The following PIK3C2G variants were observed in gnomAD, a reference collection of about 807,000 sequenced individuals.
PIK3C2G encodes the protein phosphatidylinositol-4-phosphate 3-kinase catalytic subunit type 2 gamma, also known as phosphatidylinositol 3-kinase C2 domain-containing subunit gamma.
In PIK3C2G, 168 loss-of-function variants were observed where a neutral mutation model predicts 181.1. The ratio of observed to expected loss-of-function variants is 0.93; its 90% confidence interval spans 0.82 to 1.05. PIK3C2G has a LOEUF of 1.05. Ranked by LOEUF, PIK3C2G falls within the 50% of genes least tolerant of loss-of-function variation. The probability of loss-of-function intolerance (pLI) is 0.00; values close to 1 mark genes in which losing one functional copy is unlikely to be tolerated. For missense variants in PIK3C2G, 1,869 were observed against 1,732.8 expected (o/e 1.08, Z -1.40); for synonymous variants, 573 against 592.2 (o/e 0.97, Z 0.47).
chr12:18,359,127 C>G (rs1941009579), intron 11 of PIK3C2G, among the ~76,000 whole-genome samples: 1 of 152,332 alleles, frequency 6.6e-6, no homozygotes, highest in African/African-American at 2.4e-5. Flanking sequence ...ATGCTCTCCT[C>G]AAGCTGTAAG....
chr12:18,594,297 C>T (rs1222024544), intron 29 of PIK3C2G, among the ~76,000 whole-genome samples, 197 bp from the exon 30 acceptor site: 2 of 152,136 alleles, frequency 1.3e-5, no homozygotes, highest in Non-Finnish European at 2.9e-5. Flanking sequence ...CCTTCAGTCA[C>T]ACAAAAGTTT....
At chr12:18,599,151 T>C (rs1416355859) in intron 30 of PIK3C2G, among the ~76,000 whole-genome samples, 1 of 152,190 alleles carries the variant, frequency 6.6e-6, no homozygotes, top group Non-Finnish European at 1.5e-5. Context: ...TTACTGGGTA[T>C]ATACCCAAAG....
chr12:18,631,076 T>G (rs1357698837), intron 31 of PIK3C2G, among the ~76,000 whole-genome samples: 1 of 152,172 alleles, frequency 6.6e-6, no homozygotes, highest in East Asian at 1.9e-4. Flanking sequence ...AATTAAATCA[T>G]AAGGGCAAAG....
intron 13 of PIK3C2G, among the ~76,000 whole-genome samples, chr12:18,379,536 A>C (rs1370835275): frequency 6.6e-6 from 1 of 152,212 alleles, no homozygotes; most frequent in East Asian, 1.9e-4. Context: ...TGGGTCACTC[A>C]GATAAATTTC....
chr12:18,716,496 G>A, the PIK3C2G span, among the ~76,000 whole-genome samples: 240 of 152,210 alleles, frequency 1.6e-3, 2 homozygotes, highest in African/African-American at 5.6e-3. Context: ...GTGATGTTGA[G>A]GACACTCCAC....
chr12:18,362,553 C>G (rs1941329930), intron 11 of PIK3C2G, among the ~76,000 whole-genome samples: 2 of 152,174 alleles, frequency 1.3e-5, no homozygotes, highest in Admixed American at 6.5e-5. Context: ...ATATTTTTCT[C>G]TCCATGAATA....
intron 18 of PIK3C2G, among the ~76,000 whole-genome samples, chr12:18,445,301 A>G (rs1490535021): frequency 2.0e-5 from 3 of 152,140 alleles, no homozygotes; most frequent in African/African-American, 7.2e-5. Flanking sequence ...TTAAGAATAT[A>G]AGCAAGTAAT....
chr12:18,374,159 T>C (rs1592096752), intron 13 of PIK3C2G, among the ~76,000 whole-genome samples: 1 of 152,296 alleles, frequency 6.6e-6, no homozygotes, highest in African/African-American at 2.4e-5. Flanking sequence ...AGCCCAAGCA[T>C]GCCCAAAGAT....
At chr12:18,417,979 C>T (rs1195478899) in intron 16 of PIK3C2G, among the ~76,000 whole-genome samples, 1 of 152,056 alleles carries the variant, frequency 6.6e-6, no homozygotes, top group East Asian at 1.9e-4. Context: ...GAAACTATCT[C>T]AAAACACAGA....
intron 26 of PIK3C2G, among the ~76,000 whole-genome samples, chr12:18,552,713 T>A (rs1463481727): frequency 1.3e-5 from 2 of 152,154 alleles, no homozygotes; most frequent in Non-Finnish European, 2.9e-5. Context: ...ACTGCAGATA[T>A]AACCACTTAT....
intron 24 of PIK3C2G, among the ~76,000 whole-genome samples, chr12:18,531,307 T>C (rs1210025090): frequency 6.6e-6 from 1 of 152,158 alleles, no homozygotes; most frequent in African/African-American, 2.4e-5. Flanking sequence ...TTTTAAATAA[T>C]ACTTTTTATT....
the PIK3C2G span, among the ~76,000 whole-genome samples, chr12:18,665,426 C>A: frequency 1.3e-5 from 2 of 152,156 alleles, no homozygotes; most frequent in Middle Eastern, 3.4e-3. Context: ...AATTGAGAAA[C>A]AGTCATTGGT....
At chr12:18,403,653 G>T (rs1453683806) in intron 16 of PIK3C2G, among the ~76,000 whole-genome samples, 18 of 151,986 alleles carry the variant, frequency 1.2e-4, no homozygotes, top group Admixed American at 1.2e-3. Context: ...CTGTCCAAAG[G>T]TTCACCATCT....
chr12:18,656,543 C>A, the PIK3C2G span, among the ~76,000 whole-genome samples: 1 of 151,674 alleles, frequency 6.6e-6, no homozygotes, highest in South Asian at 2.1e-4. Flanking sequence ...CCAGCCTGGG[C>A]GACAGAGCGA....
At position 18,393,620 on chromosome 12, in the gene PIK3C2G, A is replaced by T. The variant is rs186518406; in HGVS notation, c.2126+2368A>T. Among the ~76,000 whole-genome samples the T allele has an allele frequency of 5.5e-3, 842 of 152,268 alleles. 5 individuals are homozygous for T. The highest frequency in any genetic ancestry group is 0.031 in the Middle Eastern group (9 of 294). On this transcript the variant is annotated intron_variant, in intron 15 of 32. Transcript: ENST00000538779. The stretch of plus-strand genomic sequence containing the variant: ...TATATAACAATATATGTTCTAAAAT[A>T]GATTAGTACTTCTACTTCTACCATG...
chr12:18,579,992 G>T (rs1946413820), intron 29 of PIK3C2G, among the ~76,000 whole-genome samples: 1 of 152,046 alleles, frequency 6.6e-6, no homozygotes, highest in African/African-American at 2.4e-5. Flanking sequence ...AATTAGCCAG[G>T]CGTGGTGGCG....
chr12:18,281,877 G>C, intron 1 of PIK3C2G, 127 bp from the exon 2 acceptor site: 1 of 535,824 alleles, frequency 1.9e-6, no homozygotes, highest in Non-Finnish European at 3.3e-6. Flanking sequence ...TAGTACTTAA[G>C]GAATTATTTC....
At chr12:18,298,879 GT>G (rs373694347) in intron 5 of PIK3C2G, among the ~76,000 whole-genome samples, 11 of 151,434 alleles carry the variant, frequency 7.3e-5, no homozygotes, top group Middle Eastern at 3.4e-3. Flanking sequence ...TTATTTTAGG[GT>G]TTTTTTTATT....
At chr12:18,482,845 C>T (rs925384908) in intron 18 of PIK3C2G, among the ~76,000 whole-genome samples, 1 of 152,156 alleles carries the variant, frequency 6.6e-6, no homozygotes, top group Non-Finnish European at 1.5e-5. Context: ...GCTAATGACT[C>T]ATGACTCTCA....
Sources: allele counts gnomAD v4.1 joint callset (sites outside exome capture counted in the v4.1 genomes callset), GRCh38; gene constraint gnomAD v4.1.1; transcripts MANE v1.5; gene names NCBI Gene and HGNC (gene_info 2026-07-23, HGNC 2026-07-21).